NINJ2: variants seen among roughly 807,000 people sequenced by gnomAD.
NINJ2 encodes ninjurin-2.
NINJ2 carries 12 observed loss-of-function variants against 11.7 expected under a neutral mutation model. The ratio of observed to expected loss-of-function variants is 1.02; its 90% confidence interval spans 0.66 to 1.66. NINJ2 has a LOEUF of 1.66. Ranked by LOEUF, NINJ2 falls within the 40% of genes most tolerant of loss-of-function variation. The probability of loss-of-function intolerance (pLI) is 0.00; values close to 1 mark genes in which losing one functional copy is unlikely to be tolerated. For synonymous variants in NINJ2, 93 were observed against 76.8 expected (o/e 1.21, Z -1.10); for missense variants, 187 against 181.8 (o/e 1.03, Z -0.16).
chr12:594,328 TAAA>T (rs1372774194), intron 1 of NINJ2, among the ~76,000 whole-genome samples: 1 of 152,184 alleles, frequency 6.6e-6, no homozygotes, highest in Non-Finnish European at 1.5e-5. Context: ...AATCTGAAAT[TAAA>T]TACACAATGC....
intron 1 of NINJ2, chr12:610,320 G>A: frequency 2.6e-6 from 4 of 1,530,606 alleles, no homozygotes; most frequent in Non-Finnish European, 3.5e-6. Flanking sequence ...AGCTGGTGAA[G>A]ATCCCGTGGC....
rs1947295585 is a variant in NINJ2 at position 566,023 on chromosome 12, G to A, written c.189C>T (p.Tyr63=). 2 of 1,614,214 alleles carry A rather than the reference G, an allele frequency of 1.2e-6. No individual in the cohort carries two copies. The highest frequency in any genetic ancestry group is 1.7e-6 in the Non-Finnish European group (2 of 1,180,030). ...VLEQGPSSHY[Y]TTLVTLISLS... is the part of the protein sequence containing the mutation. ...GGCTGATGAGGGTGACCAGGGTGGT[G>A]TAGTAGTGAGAGGATGGTCCCTGCT... Residue 63 remains tyrosine, a synonymous_variant, in exon 2 of 4, where the codon TAC becomes TAT. Coordinates refer to ENST00000305108, the MANE Select transcript of NINJ2 (RefSeq NM_016533.6).
intron 1 of NINJ2, among the ~76,000 whole-genome samples, chr12:652,903 C>A (rs1330517629): frequency 6.7e-6 from 1 of 148,874 alleles, no homozygotes; most frequent in East Asian, 2.0e-4. Context: ...GCCGAGATCA[C>A]GCCATTGCAC....
chr12:610,169 C>T (rs11063857), intron 1 of NINJ2, among the ~76,000 whole-genome samples: 35,924 of 152,066 alleles, frequency 0.24, 4,446 homozygotes, highest in Middle Eastern at 0.34. Flanking sequence ...CTCCTGCCTT[C>T]CCCATCCTGA....
rs117309311 is a variant in NINJ2 at position 568,355 on chromosome 12, C to G, written c.34-2177G>C. ...CCAACAGAAGGGAGCCTCTCTTCCCCAGTCCTTCTCCTAACGTTTGCCTTC... is the reference window on the plus strand; with the variant it reads ...CCAACAGAAGGGAGCCTCTCTTCCCGAGTCCTTCTCCTAACGTTTGCCTTC... On this transcript the variant is annotated intron_variant, in intron 1 of 3. Coordinates refer to ENST00000305108, the MANE Select transcript of NINJ2 (RefSeq NM_016533.6). 4.3e-3 allele frequency among the ~76,000 whole-genome samples: 657 copies of G among 152,318 alleles called. 34 individuals carry two copies. The East Asian group carries it at 0.11, about 24-fold the overall frequency.
intron 1 of NINJ2, among the ~76,000 whole-genome samples, chr12:659,957 C>G (rs1937935678): frequency 6.6e-6 from 1 of 152,064 alleles, no homozygotes; most frequent in African/African-American, 2.4e-5. Context: ...AAAAAACTTC[C>G]TGCCACTTAC....
chr12:610,343 T>TA (rs1948011986), intron 1 of NINJ2: 1 of 1,535,288 alleles, frequency 6.5e-7, no homozygotes, highest in African/African-American at 1.4e-5. Flanking sequence ...GAGGCACACT[T>TA]ACCATATACA....
intron 1 of NINJ2, among the ~76,000 whole-genome samples, chr12:567,767 A>G (rs1055197493): frequency 2.6e-5 from 4 of 152,214 alleles, no homozygotes; most frequent in African/African-American, 7.2e-5. Flanking sequence ...GCACTTTGAG[A>G]GGCCAAGGCA....
At chr12:599,308 C>T (rs568322801) in intron 1 of NINJ2, among the ~76,000 whole-genome samples, 10 of 152,146 alleles carry the variant, frequency 6.6e-5, no homozygotes, top group Admixed American at 3.3e-4. Flanking sequence ...TTCTTGAACG[C>T]GGGAGGCGGA....
At chr12:608,989 G>C (rs1947976449) in intron 1 of NINJ2, among the ~76,000 whole-genome samples, 2 of 152,168 alleles carry the variant, frequency 1.3e-5, no homozygotes, top group African/African-American at 4.8e-5. Context: ...CTCGCTCACA[G>C]AAGAATTCAT....
At chr12:608,217 A>C (rs1484318790) in intron 1 of NINJ2, among the ~76,000 whole-genome samples, 1 of 152,196 alleles carries the variant, frequency 6.6e-6, no homozygotes, top group Non-Finnish European at 1.5e-5. Context: ...TAGAGTCCCC[A>C]GTCCTTTAGA....
At chr12:605,366 T>C (rs931587050) in intron 1 of NINJ2, among the ~76,000 whole-genome samples, 6 of 152,060 alleles carry the variant, frequency 3.9e-5, no homozygotes, top group Admixed American at 1.3e-4. Context: ...CCAACACCTA[T>C]CCCCAGACAG....
intron 1 of NINJ2, among the ~76,000 whole-genome samples, chr12:568,891 C>T (rs1012928836): frequency 8.1e-6 from 1 of 123,090 alleles, no homozygotes; most frequent in African/African-American, 3.1e-5. Context: ...CCCCCCCCCG[C>T]CCCCCGGGTA....
intron 1 of NINJ2, among the ~76,000 whole-genome samples, chr12:592,116 TG>T (rs1274780326): frequency 6.6e-6 from 1 of 152,192 alleles, no homozygotes; most frequent in Non-Finnish European, 1.5e-5. Flanking sequence ...GGGTCAAGTC[TG>T]GCTTTACTGC....
intron 1 of NINJ2, among the ~76,000 whole-genome samples, chr12:660,050 C>G (rs931683149): frequency 1.3e-5 from 2 of 151,668 alleles, no homozygotes; most frequent in Admixed American, 6.6e-5. Context: ...TTTGGGAGGC[C>G]AAGACAGGAA....
At chr12:600,835 C>G (rs1411884890) in intron 1 of NINJ2, among the ~76,000 whole-genome samples, 1 of 152,042 alleles carries the variant, frequency 6.6e-6, no homozygotes. Flanking sequence ...GCATGAGCCA[C>G]CATGCCTGGC....
intron 1 of NINJ2, among the ~76,000 whole-genome samples, chr12:601,314 A>AG (rs1306764987): frequency 1.3e-5 from 2 of 152,066 alleles, no homozygotes; most frequent in East Asian, 3.8e-4. Context: ...TGGGAGGCTG[A>AG]GGCGGGCGGA....
At chr12:593,822 G>C (rs1565627852) in intron 1 of NINJ2, among the ~76,000 whole-genome samples, 1 of 151,980 alleles carries the variant, frequency 6.6e-6, no homozygotes, top group African/African-American at 2.4e-5. Flanking sequence ...AGAAGAAGAA[G>C]CAGCAGCAGC....
At chr12:616,670 C>T (rs1181154452) in intron 1 of NINJ2, among the ~76,000 whole-genome samples, 1 of 152,218 alleles carries the variant, frequency 6.6e-6, no homozygotes, top group African/African-American at 2.4e-5. Flanking sequence ...ATGGGCCTAG[C>T]TACCAACTTA....
Sources: allele counts gnomAD v4.1 joint callset (sites outside exome capture counted in the v4.1 genomes callset), GRCh38; gene constraint gnomAD v4.1.1; transcripts MANE v1.5; gene names NCBI Gene and HGNC (gene_info 2026-07-23, HGNC 2026-07-21).